Variants in ANK1 observed in about 807,000 individuals in gnomAD.
The protein encoded by ANK1 is ankyrin 1.
Under a neutral mutation model 210.4 loss-of-function variants are expected in ANK1, and 51 were observed. That is an observed-to-expected ratio of 0.24 (90% confidence interval 0.19 to 0.31). The LOEUF is 0.31. Among genes scored for constraint, ANK1 ranks in the 10% least tolerant of loss-of-function variants. ANK1 has a pLI of 1.00. For synonymous variants in ANK1, 967 were observed against 1,025.9 expected, an observed-to-expected ratio of 0.94 and a Z score of 1.10; for missense variants, 2,051 against 2,504.4, an observed-to-expected ratio of 0.82 and a Z score of 3.86.
intron 33 of ANK1, among the ~76,000 whole-genome samples, chr8:41,689,822 G>A (rs966548601): frequency 1.3e-5 from 2 of 152,236 alleles, no homozygotes; most frequent in Non-Finnish European, 2.9e-5. Context: ...GAGAGAAGCC[G>A]TGCAGGGGCT....
intron 1 of ANK1, among the ~76,000 whole-genome samples, chr8:41,866,543 A>C (rs1814496803): frequency 6.6e-6 from 1 of 152,166 alleles, no homozygotes; most frequent in Non-Finnish European, 1.5e-5. Context: ...GTACATTCAC[A>C]TTGCTGTGCT....
At chr8:41,723,662 C>T (rs145842258) in intron 7 of ANK1, 29 bp from the exon 8 acceptor site, 12 of 1,601,486 alleles carry the variant, frequency 7.5e-6, no homozygotes, top group Admixed American at 5.0e-5. Flanking sequence ...ACGGTCAGGG[C>T]GCGTCATCCT....
rs1822772406 is a variant in ANK1 at position 41,701,454 on chromosome 8, T to C, written c.2461+96A>G. ...CCATCTATAGTGCTTGGGCGTGTTG[T>C]AAGGGGACAAAGCCGGCAGGTGGCA... On this transcript the variant is annotated intron_variant, in intron 22 of 42. Transcript: ENST00000289734. 28 of 1,123,426 alleles carry C rather than the reference T, an allele frequency of 2.5e-5. 1 individual carries two copies. In the South Asian group the frequency reaches 3.2e-4, roughly 13 times the overall value. 69.6% of individuals were successfully genotyped at this position (1,123,426 alleles called of 1,614,324 possible). A position where few individuals can be genotyped will look rare whatever the true frequency, so the allele number is the denominator to read the frequency against.
At chr8:41,837,078 T>C (rs1490944554) in intron 1 of ANK1, among the ~76,000 whole-genome samples, 4 of 152,220 alleles carry the variant, frequency 2.6e-5, no homozygotes, top group Non-Finnish European at 5.9e-5. Flanking sequence ...AAAACGTCCA[T>C]TGAGAGAAGA....
intron 37 of ANK1, among the ~76,000 whole-genome samples, chr8:41,677,743 C>T (rs886652695): frequency 2.0e-5 from 3 of 151,790 alleles, no homozygotes; most frequent in African/African-American, 7.3e-5. Context: ...GCACGCACCA[C>T]CATACACGGC....
At chr8:41,688,025 A>G in intron 35 of ANK1, 131 bp downstream of exon 35, 1 of 1,167,034 alleles carries the variant, frequency 8.6e-7, no homozygotes, top group Non-Finnish European at 1.3e-6. Context: ...GACCCAGCTC[A>G]GACAATCACA....
chr8:41,706,059 G>A (rs1824484061), intron 18 of ANK1, 84 bp downstream of exon 18: 2 of 1,339,368 alleles, frequency 1.5e-6, no homozygotes, highest in African/African-American at 1.4e-5. Flanking sequence ...TGGGTCTTTG[G>A]GGTTTCAAAG....
chr8:41,676,769 A>C (rs1814291883), intron 37 of ANK1, among the ~76,000 whole-genome samples: 1 of 152,228 alleles, frequency 6.6e-6, no homozygotes, highest in Non-Finnish European at 1.5e-5. Flanking sequence ...GTAATAATCC[A>C]AGTTCATTTC....
intron 1 of ANK1, among the ~76,000 whole-genome samples, chr8:41,888,415 A>G (rs1731900831): frequency 6.6e-6 from 1 of 152,240 alleles, no homozygotes; most frequent in African/African-American, 2.4e-5. Context: ...GGGGCAGGCG[A>G]CAGAACCATG....
rs138420189 is a variant in ANK1, at chr8:41,689,251, G to A, written c.4105-662C>T. ...TGATCCTTCTGCCTCAGCCTCTCGA[G>A]TGCCAGGACTACAGGTGCATGCCAC... is the stretch of plus-strand genomic sequence containing the variant. On this transcript the variant is annotated intron_variant, in intron 33 of 42. Transcript: ENST00000289734. Among the ~76,000 whole-genome samples, 82 of 152,066 alleles carry A rather than the reference G, an allele frequency of 5.4e-4. No homozygotes were observed. The East Asian group carries it at 0.015, about 28-fold the overall frequency.
chr8:41,673,455 A>G lies in ANK1; in HGVS notation c.4538-543T>C, dbSNP rs1813146662. Among the ~76,000 whole-genome samples the G allele has an allele frequency of 3.3e-5, 5 of 152,298 alleles. No individual in the cohort carries two copies. The South Asian group carries it at 1.0e-3, about 32-fold the overall frequency. ...TGAGGGGCCTATCAGGGTACACTAA[A>G]CACCCATAGACCTCACTGTGGTGGT... On this transcript the variant is annotated intron_variant, in intron 37 of 42. Transcript: ENST00000289734.
rs1007345979 is a variant in ANK1 at position 41,718,129 on chromosome 8, C to T, written c.1183G>A (p.Ala395Thr). ...RVMELLLKTG[A>T]SIDAVTESGL... ...ACCTCGGTGACCGCGTCGATCGAGG[C>T]TCCCGTCTTCAGCAGCAGCTCCATG... The change falls in exon 11 of 43, where the codon GCC becomes ACC. Residue 395 changes from alanine (A) to threonine (T), a missense_variant. Coordinates refer to ENST00000289734, the MANE Select transcript of ANK1 (RefSeq NM_000037.4). The T allele has an allele frequency of 6.2e-7, 1 of 1,614,034 alleles. No homozygotes were observed. The highest frequency in any genetic ancestry group is 1.3e-5 in the African/African-American group (1 of 75,028).
chr8:41,839,895 C>T (rs1176572672), intron 1 of ANK1, among the ~76,000 whole-genome samples: 5 of 152,146 alleles, frequency 3.3e-5, no homozygotes, highest in African/African-American at 1.2e-4. Flanking sequence ...AAAACTGTAT[C>T]AACACTGGTT....
chr8:41,708,790 G>C lies in ANK1; in HGVS notation c.1986C>G (p.Asn662Lys). The change falls in exon 17 of 43, where the codon AAC becomes AAG. Residue 662 changes from asparagine to lysine, a missense_variant. Asn to Lys is a moderately conservative substitution (Grantham distance 94, BLOSUM62 0). Around this residue, in one of 6 missense-constraint regions of ANK1, gnomAD observed 1,413 missense variants for 1,707.4 expected, o/e 0.83. Transcript: ENST00000289734. ...ACACCATGCCTACCTTGTTCCCCAG[G>C]TTGCCATTGGCTTGTTTCGAGAGCA... The part of the protein sequence containing the change: ...ALLLSKQANG[N>K]LGNKSGLTPL... 3 of 1,613,926 alleles carry C rather than the reference G, an allele frequency of 1.9e-6. No individual in the cohort carries two copies. The highest frequency in any genetic ancestry group is 2.5e-6 in the Non-Finnish European group (3 of 1,180,036).
At chr8:41,768,629 C>A (rs10098437) in intron 1 of ANK1, among the ~76,000 whole-genome samples, 19,718 of 151,936 alleles carry the variant, frequency 0.13, 1,317 homozygotes, top group South Asian at 0.14. Context: ...TGCCACTGGC[C>A]GCACCAGCAA....
chr8:41,796,491 C>A (rs910116031), intron 1 of ANK1, among the ~76,000 whole-genome samples: 1 of 150,782 alleles, frequency 6.6e-6, no homozygotes, highest in African/African-American at 2.4e-5. Flanking sequence ...AATTGCTTGC[C>A]GCTGGTGGAA....
At chr8:41,735,859 A>AG (rs1168375348) in intron 2 of ANK1, among the ~76,000 whole-genome samples, 2 of 152,300 alleles carry the variant, frequency 1.3e-5, no homozygotes, top group East Asian at 1.9e-4. Flanking sequence ...AGAAATGAGA[A>AG]GGGGGGCTGC....
Position 41,721,656 on chromosome 8 carries a change from C to CAAAAAAAAA in ANK1, c.909+1460_909+1468dup, listed in dbSNP as rs55653901. On this transcript the variant is annotated intron_variant, in intron 9 of 42. Coordinates refer to ENST00000289734, the MANE Select transcript of ANK1 (RefSeq NM_000037.4). ...TGGGTGACTGAGTGAGACTTCATCT[C>CAAAAAAAAA]AAAAAAAAAAAAAAAAAAAAAAAAA... Among the ~76,000 whole-genome samples, 564 of 108,060 alleles carry CAAAAAAAAA rather than the reference C, an allele frequency of 5.2e-3. 12 individuals carry two copies. The highest frequency in any genetic ancestry group is 8.5e-3 in the Non-Finnish European group (460 of 53,912). 70.9% of individuals were successfully genotyped at this position (108,060 alleles called of 152,430 possible). A position where few individuals can be genotyped will look rare whatever the true frequency, so the allele number is the denominator to read the frequency against.
At chr8:41,845,808 T>C (rs1364221824) in intron 1 of ANK1, among the ~76,000 whole-genome samples, 1 of 152,208 alleles carries the variant, frequency 6.6e-6, no homozygotes. Flanking sequence ...CTCCTGCTAC[T>C]TCCATAAACA....
Sources: allele counts gnomAD v4.1 joint callset (sites outside exome capture counted in the v4.1 genomes callset), GRCh38; gene constraint gnomAD v4.1.1; regional missense constraint gnomAD v4.1.1; transcripts MANE v1.5; gene names NCBI Gene and HGNC (gene_info 2026-07-23, HGNC 2026-07-21).